The following MEIS1 variants were observed in gnomAD, a reference collection of about 807,000 sequenced individuals.
MEIS1 encodes homeobox protein Meis1.
In MEIS1, 5 loss-of-function variants were observed where a neutral mutation model predicts 50.8. The observed-to-expected ratio is 0.10, with a 90% CI of 0.05 to 0.21. MEIS1 has a LOEUF of 0.21. MEIS1 is among the 10% of genes least tolerant of loss of function. The pLI is 1.00. For missense variants in MEIS1, 318 were observed against 517.3 expected (o/e 0.61, Z 3.74); for synonymous variants, 176 against 179.3 (o/e 0.98, Z 0.15).
chr2:66,443,459 T>G (rs866396681), intron 6 of MEIS1: 9 of 180,002 alleles, frequency 5.0e-5, no homozygotes, highest in South Asian at 4.1e-4. Context: ...TTATTAGGAA[T>G]AAATCCAAGA....
intron 8 of MEIS1, among the ~76,000 whole-genome samples, chr2:66,520,475 C>T (rs537534521): frequency 6.7e-5 from 10 of 149,492 alleles, no homozygotes; most frequent in Admixed American, 3.3e-4. Flanking sequence ...AGAAAGACTC[C>T]GTCTCAAAAA....
At chr2:66,438,541 C>G (rs957538485) in intron 2 of MEIS1, among the ~76,000 whole-genome samples, 3 of 152,190 alleles carry the variant, frequency 2.0e-5, no homozygotes, top group Non-Finnish European at 4.4e-5. Context: ...AATTGTTACA[C>G]ACATTAAGAA....
chr2:66,441,511 A>G, intron 5 of MEIS1, 47 bp downstream of exon 5: 1 of 1,412,064 alleles, frequency 7.1e-7, no homozygotes, highest in Non-Finnish European at 9.6e-7. Context: ...TTACCCCCAA[A>G]CACACAGGGG....
intron 6 of MEIS1, among the ~76,000 whole-genome samples, chr2:66,451,440 A>G (rs1242412977): frequency 3.9e-5 from 6 of 152,098 alleles, no homozygotes; most frequent in Admixed American, 3.9e-4. Flanking sequence ...CAGTGAAGAG[A>G]GCAATTTGAC....
rs1672627618 is a variant in MEIS1 at position 66,466,106 on chromosome 2, G to T, written c.742+1886G>T. Among the ~76,000 whole-genome samples the T allele has an allele frequency of 2.0e-5, 3 of 152,010 alleles. No individual in the cohort carries two copies. In the South Asian group the frequency reaches 6.2e-4, roughly 32 times the overall value. ...GCTGAATCATTTAAAAACAATCCTG[G>T]GTAGCAGAGTAAGTGGGTCTATCCC... On this transcript the variant is annotated intron_variant, in intron 7 of 12. Transcript: ENST00000272369.
At chr2:66,494,539 G>GA (rs1436279614) in intron 7 of MEIS1, among the ~76,000 whole-genome samples, 1 of 152,194 alleles carries the variant, frequency 6.6e-6, no homozygotes, top group African/African-American at 2.4e-5. Flanking sequence ...TATGCTCAAA[G>GA]AGCTTATAGT....
chr2:66,464,240 C>A lies in MEIS1; in HGVS notation c.742+20C>A. 6.5e-7 allele frequency: 1 copy of A among 1,530,868 alleles called. No homozygotes were observed. Among genetic ancestry groups the A allele is most frequent in the Non-Finnish European group, 8.9e-7 (1 of 1,124,318 alleles). The allele number at this position is 1,530,868 out of a possible 1,614,324, so 94.8% of individuals were successfully genotyped here. A position where few individuals can be genotyped will look rare whatever the true frequency, so the allele number is the denominator to read the frequency against. On this transcript the variant is annotated intron_variant, in intron 7 of 12. Coordinates refer to ENST00000272369, the MANE Select transcript of MEIS1 (RefSeq NM_002398.3). The stretch of plus-strand genomic sequence containing the variant: ...AGCAAGGTAGGAGAGATGTTATTCT[C>A]TTTTGCTACTTGTTTCATTTTTAAG...
chr2:66,535,914 T>C (rs917476031), intron 8 of MEIS1, among the ~76,000 whole-genome samples: 1 of 152,194 alleles, frequency 6.6e-6, no homozygotes, highest in Non-Finnish European at 1.5e-5. Context: ...GTGCACAGAA[T>C]AGAGAAAATT....
chr2:66,556,700 A>T (rs1318385791), intron 9 of MEIS1, among the ~76,000 whole-genome samples: 1 of 152,002 alleles, frequency 6.6e-6, no homozygotes, highest in Non-Finnish European at 1.5e-5. Context: ...GCAGTGGTTG[A>T]CTTTGTTTGT....
At chr2:66,516,750 GCCAC>G (rs1673981410) in intron 8 of MEIS1, among the ~76,000 whole-genome samples, 1 of 152,086 alleles carries the variant, frequency 6.6e-6, no homozygotes. Context: ...CTGCGGGTCC[GCCAC>G]TCTAAGGACG....
chr2:66,542,346 C>G (rs1674676296), intron 8 of MEIS1, among the ~76,000 whole-genome samples: 1 of 151,856 alleles, frequency 6.6e-6, no homozygotes, highest in South Asian at 2.1e-4. Flanking sequence ...TCAAGGTCAA[C>G]TTATATTAAT....
intron 7 of MEIS1, among the ~76,000 whole-genome samples, chr2:66,482,693 T>G (rs1367772046): frequency 6.6e-6 from 1 of 152,190 alleles, no homozygotes; most frequent in Non-Finnish European, 1.5e-5. Context: ...CAGAAATGAG[T>G]AAGACCAATC....
At chr2:66,509,310 G>C (rs1219009516) in intron 7 of MEIS1, among the ~76,000 whole-genome samples, 1 of 152,144 alleles carries the variant, frequency 6.6e-6, no homozygotes, top group East Asian at 1.9e-4. Context: ...TGTCGGAAAG[G>C]AGCAGGGTTT....
intron 8 of MEIS1, among the ~76,000 whole-genome samples, chr2:66,526,980 T>C (rs1326352267): frequency 6.6e-6 from 1 of 152,170 alleles, no homozygotes; most frequent in Non-Finnish European, 1.5e-5. Flanking sequence ...ATGTTCATAT[T>C]GGACCAGACA....
At chr2:66,526,718 G>A (rs1485024724) in intron 8 of MEIS1, among the ~76,000 whole-genome samples, 1 of 152,162 alleles carries the variant, frequency 6.6e-6, no homozygotes, top group Non-Finnish European at 1.5e-5. Context: ...GACAAACCAA[G>A]CATTTTAATT....
At chr2:66,541,047 T>A (rs1319584386) in intron 8 of MEIS1, among the ~76,000 whole-genome samples, 1 of 151,784 alleles carries the variant, frequency 6.6e-6, no homozygotes, top group Admixed American at 6.6e-5. Context: ...TTTTATTTTT[T>A]ATTTTTTTTT....
At chr2:66,490,282 CTG>C in intron 7 of MEIS1, among the ~76,000 whole-genome samples, 2 of 152,278 alleles carry the variant, frequency 1.3e-5, no homozygotes, top group East Asian at 1.9e-4. Context: ...TGGAAACAGA[CTG>C]TGTAGCCGGA....
chr2:66,475,492 C>T (rs937629111), intron 7 of MEIS1, among the ~76,000 whole-genome samples: 4 of 151,406 alleles, frequency 2.6e-5, no homozygotes, highest in South Asian at 2.1e-4. Context: ...AAACAAAAAG[C>T]CAAGAAATAA....
intron 9 of MEIS1, among the ~76,000 whole-genome samples, chr2:66,567,182 C>T (rs1675369327): frequency 6.6e-6 from 1 of 151,984 alleles, no homozygotes; most frequent in South Asian, 2.1e-4. Context: ...CTGCTAATTC[C>T]CCCATGAAAA....
Sources: gnomAD v4.1 joint callset for allele counts (sites outside exome capture counted in the v4.1 genomes callset) on GRCh38, gnomAD v4.1.1 for gene constraint, MANE v1.5 for transcripts, NCBI Gene and HGNC (gene_info 2026-07-23, HGNC 2026-07-21) for gene names.